GRK5: variants seen among roughly 807,000 people sequenced by gnomAD.
GRK5 encodes the protein g protein-coupled receptor kinase GRK5.
In GRK5, 40 loss-of-function variants were observed where a neutral mutation model predicts 78.4. That is an observed-to-expected ratio of 0.51 (90% CI 0.40 to 0.66). The LOEUF is 0.66. Ranked by LOEUF, GRK5 falls within the 30% of genes least tolerant of loss-of-function variation. The pLI is 0.00. For synonymous variants in GRK5, 289 were observed against 296.8 expected, an observed-to-expected ratio of 0.97 and a Z score of 0.27; for missense variants, 598 against 759.9, an observed-to-expected ratio of 0.79 and a Z score of 2.50.
chr10:119,365,999 C>G (rs188775484), intron 2 of GRK5, among the ~76,000 whole-genome samples: 60 of 152,334 alleles, frequency 3.9e-4, no homozygotes, highest in Middle Eastern at 3.4e-3. Context: ...AGGTTCTATG[C>G]TGGGTGCCAA....
Position 119,378,556 on chromosome 10 carries a change from C to A in GRK5, c.149-2259C>A, listed in dbSNP as rs938756638. Among the ~76,000 whole-genome samples the A allele has an allele frequency of 6.6e-6, 1 of 152,266 alleles. No homozygotes were observed. The highest frequency in any genetic ancestry group is 2.4e-5 in the African/African-American group (1 of 41,476). ...GGGCCTGGCCGCGGCTCTTTCCGTT[C>A]CAGGAGGCAGACAGCGGAGTGCTGA... On this transcript the variant is annotated intron_variant, in intron 2 of 15. Transcript: ENST00000392870. This position sits in a 1 kb window ranked among gnomAD's most constrained non-coding sequence, Gnocchi z 4.5.
chr10:119,384,265 CCTCT>C (rs1035636731), intron 3 of GRK5, among the ~76,000 whole-genome samples: 2 of 152,144 alleles, frequency 1.3e-5, no homozygotes, highest in Non-Finnish European at 2.9e-5. Flanking sequence ...TCTCCCTCTT[CCTCT>C]CTCTCCTGCT....
chr10:119,290,360 AAAACAAAAAAC>A (rs1849930932), intron 1 of GRK5, among the ~76,000 whole-genome samples: 1 of 142,020 alleles, frequency 7.0e-6, no homozygotes, highest in African/African-American at 2.8e-5. Flanking sequence ...AAAAAAAAAA[AAAACAAAAAAC>A]AACTCTGTCC....
intron 4 of GRK5, among the ~76,000 whole-genome samples, chr10:119,408,147 G>A (rs1852273202): frequency 8.0e-6 from 1 of 125,440 alleles, no homozygotes; most frequent in South Asian, 2.6e-4. Flanking sequence ...TAGGCAACAA[G>A]AGTGAAACTC....
At chr10:119,393,768 C>T (rs7909312) in intron 3 of GRK5, among the ~76,000 whole-genome samples, 5,578 of 152,294 alleles carry the variant, frequency 0.037, 313 homozygotes, top group African/African-American at 0.12. Flanking sequence ...TTAGTTTCTT[C>T]ATCTGCAAAT....
intron 2 of GRK5, among the ~76,000 whole-genome samples, chr10:119,369,923 A>T (rs147285334): frequency 5.3e-4 from 80 of 150,704 alleles, no homozygotes; most frequent in Middle Eastern, 3.4e-3. Flanking sequence ...CCGTTTACCC[A>T]GCCAGTTCTT....
chr10:119,334,172 G>A (rs74157663), intron 2 of GRK5, among the ~76,000 whole-genome samples: 1,944 of 152,300 alleles, frequency 0.013, 44 homozygotes, highest in African/African-American at 0.045. Flanking sequence ...CAGCTGCAGC[G>A]GCGCAAGCCT....
intron 2 of GRK5, among the ~76,000 whole-genome samples, chr10:119,359,464 T>C (rs1020030140): frequency 6.6e-6 from 1 of 152,000 alleles, no homozygotes; most frequent in Non-Finnish European, 1.5e-5. Context: ...AGGTCATTCG[T>C]GTGGAAGGGA....
intron 2 of GRK5, among the ~76,000 whole-genome samples, chr10:119,369,653 C>A (rs934429877): frequency 5.9e-5 from 9 of 152,136 alleles, no homozygotes; most frequent in Admixed American, 1.3e-4. Flanking sequence ...TCCTTTTTGC[C>A]CCGGCTCTTA....
At position 119,261,819 on chromosome 10, in the gene GRK5, G is replaced by A. The variant is rs565167074; in HGVS notation, c.52+53850G>A. Among the ~76,000 whole-genome samples the A allele has an allele frequency of 3.2e-3, 489 of 152,368 alleles. 1 individual carries two copies. The highest frequency in any genetic ancestry group is 0.011 in the African/African-American group (453 of 41,584). On this transcript the variant is annotated intron_variant, in intron 1 of 15. Coordinates refer to ENST00000392870, the MANE Select transcript of GRK5 (RefSeq NM_005308.3). Reference sequence around the variant, plus strand: ...CAGGCTGAGGCCGGAGAATCAGGCAGGGAGGTTGCAGTGAGCCGAGATGGC... The same window carrying A: ...CAGGCTGAGGCCGGAGAATCAGGCAAGGAGGTTGCAGTGAGCCGAGATGGC...
intron 2 of GRK5, among the ~76,000 whole-genome samples, chr10:119,365,553 G>T (rs1418914016): frequency 6.6e-6 from 1 of 152,178 alleles, no homozygotes; most frequent in African/African-American, 2.4e-5. Context: ...TTCGGTGAGG[G>T]TCTTTGAATT....
At chr10:119,363,891 G>A (rs1350932661) in intron 2 of GRK5, among the ~76,000 whole-genome samples, 1 of 152,224 alleles carries the variant, frequency 6.6e-6, no homozygotes, top group African/African-American at 2.4e-5. Context: ...AAAACATGAT[G>A]AACAGCTATT....
intron 2 of GRK5, among the ~76,000 whole-genome samples, chr10:119,329,751 A>C (rs1354677598): frequency 6.6e-6 from 1 of 151,752 alleles, no homozygotes; most frequent in Non-Finnish European, 1.5e-5. Flanking sequence ...AACAAAAACA[A>C]AAAAAACCTC....
chr10:119,328,606 A>C (rs1850717884), intron 2 of GRK5, among the ~76,000 whole-genome samples: 1 of 152,176 alleles, frequency 6.6e-6, no homozygotes, highest in Non-Finnish European at 1.5e-5. Context: ...ATGTTACCTC[A>C]CAACCCATTC....
chr10:119,333,606 C>T (rs1384911675), intron 2 of GRK5: 1 of 372,086 alleles, frequency 2.7e-6, no homozygotes, highest in Non-Finnish European at 5.3e-6. Context: ...GCTGCATAAA[C>T]GTGTGGGCAG....
chr10:119,391,794 G>A (rs1213499205), intron 3 of GRK5, among the ~76,000 whole-genome samples: 1 of 152,208 alleles, frequency 6.6e-6, no homozygotes, highest in Non-Finnish European at 1.5e-5. Context: ...CCAGCGGGGT[G>A]CATGGTGAGC....
At chr10:119,324,401 C>T (rs748872906) in intron 1 of GRK5, among the ~76,000 whole-genome samples, 1 of 152,154 alleles carries the variant, frequency 6.6e-6, no homozygotes, top group African/African-American at 2.4e-5. Context: ...CCAAGGCAGG[C>T]GGATCACTTG....
intron 11 of GRK5, among the ~76,000 whole-genome samples, chr10:119,442,932 A>G (rs1451195398): frequency 6.6e-6 from 1 of 152,088 alleles, no homozygotes; most frequent in Non-Finnish European, 1.5e-5. Context: ...TGGATGATGG[A>G]TGGGTGGATG....
intron 1 of GRK5, among the ~76,000 whole-genome samples, chr10:119,218,220 C>T (rs1056218195): frequency 6.6e-6 from 1 of 152,004 alleles, no homozygotes; most frequent in Non-Finnish European, 1.5e-5. Context: ...GGGAAGGCAG[C>T]CTGGTGTCGC....
Sources: allele counts gnomAD v4.1 joint callset (sites outside exome capture counted in the v4.1 genomes callset), GRCh38; gene constraint gnomAD v4.1.1; non-coding constraint Gnocchi (gnomAD v3.1); transcripts MANE v1.5; gene names NCBI Gene and HGNC (gene_info 2026-07-23, HGNC 2026-07-21).